The following MACROD2 variants were observed in gnomAD, a reference collection of about 807,000 sequenced individuals.
The protein encoded by MACROD2 is mono-ADP ribosylhydrolase 2, also known as ADP-ribose glycohydrolase MACROD2.
A neutral mutation model predicts 70.4 loss-of-function variants in MACROD2; 36 were observed. The observed-to-expected ratio is 0.51, with a 90% CI of 0.39 to 0.68. The LOEUF is 0.68. MACROD2 is among the 30% of genes least tolerant of loss of function. The pLI, the probability that MACROD2 is intolerant of heterozygous loss-of-function variation, is 0.00. For missense variants in MACROD2, 496 were observed against 538.4 expected (o/e 0.92, Z 0.78); for synonymous variants, 172 against 178.8 (o/e 0.96, Z 0.30).
chr20:14,686,679 A>T (rs1455442906), intron 5 of MACROD2, among the ~76,000 whole-genome samples: 3 of 152,170 alleles, frequency 2.0e-5, no homozygotes, highest in Non-Finnish European at 2.9e-5. Context: ...GGTGTGTAGT[A>T]GGCTATACCA....
chr20:15,715,622 AAAC>A, intron 8 of MACROD2, among the ~76,000 whole-genome samples: 1 of 152,272 alleles, frequency 6.6e-6, no homozygotes, highest in Non-Finnish European at 1.5e-5. Flanking sequence ...CCAGTAAATC[AAAC>A]AATAGTGCAA....
chr20:15,422,266 T>G (rs1272897982), intron 6 of MACROD2, among the ~76,000 whole-genome samples: 1 of 152,168 alleles, frequency 6.6e-6, no homozygotes, highest in African/African-American at 2.4e-5. Context: ...GGAAGGATTC[T>G]CACTCTACTC....
intron 7 of MACROD2, among the ~76,000 whole-genome samples, chr20:15,477,137 G>C (rs914808860): frequency 1.7e-5 from 2 of 115,718 alleles, no homozygotes; most frequent in Non-Finnish European, 3.3e-5. Flanking sequence ...GCCTCACTCT[G>C]TCACCCGTGC....
chr20:14,897,053 G>A (rs181380111), intron 5 of MACROD2, among the ~76,000 whole-genome samples: 114 of 152,288 alleles, frequency 7.5e-4, no homozygotes, highest in African/African-American at 2.4e-3. Context: ...TGTTACAGTA[G>A]ACTAACCACA....
rs528643864 is a variant in MACROD2 at position 15,271,442 on chromosome 20, A to G, written c.540+41381A>G. On this transcript the variant is annotated intron_variant, in intron 6 of 17. Coordinates refer to ENST00000684519, the MANE Select transcript of MACROD2 (RefSeq NM_001351661.2). The stretch of plus-strand genomic sequence containing the variant: ...TTGTGGGGACACAAACATTCAGGCC[A>G]TAGCAGACAATCTCTTTCCAAAAAC... 2.0e-4 allele frequency among the ~76,000 whole-genome samples: 30 copies of G among 152,340 alleles called. No homozygotes were observed. The East Asian group carries it at 3.9e-3, about 20-fold the overall frequency.
chr20:15,711,922 C>A, intron 8 of MACROD2, among the ~76,000 whole-genome samples: 1 of 152,088 alleles, frequency 6.6e-6, no homozygotes, highest in East Asian at 1.9e-4. Flanking sequence ...CCTCTTCAGC[C>A]CCCTGGGTTT....
At chr20:14,427,354 C>T in intron 3 of MACROD2, among the ~76,000 whole-genome samples, 1 of 151,886 alleles carries the variant, frequency 6.6e-6, no homozygotes, top group Non-Finnish European at 1.5e-5. Flanking sequence ...TCTAGTTTGT[C>T]TACAGCTTCT....
At chr20:15,631,766 A>T (rs958352754) in intron 8 of MACROD2, among the ~76,000 whole-genome samples, 1 of 150,754 alleles carries the variant, frequency 6.6e-6, no homozygotes, top group African/African-American at 2.4e-5. Context: ...GGAGAGCTTT[A>T]AAAAACACTG....
At chr20:15,575,084 C>T (rs754860229) in intron 8 of MACROD2, among the ~76,000 whole-genome samples, 1 of 152,102 alleles carries the variant, frequency 6.6e-6, no homozygotes, top group Non-Finnish European at 1.5e-5. Flanking sequence ...AGAAAGGTAG[C>T]CATTCTCTCC....
At chr20:14,978,755 C>T (rs909959557) in intron 5 of MACROD2, among the ~76,000 whole-genome samples, 7 of 149,406 alleles carry the variant, frequency 4.7e-5, no homozygotes, top group African/African-American at 9.9e-5. Flanking sequence ...TAAATGAAAA[C>T]GAGAGAAAAC....
intron 5 of MACROD2, among the ~76,000 whole-genome samples, chr20:14,749,694 C>A (rs1415483640): frequency 6.6e-6 from 1 of 152,088 alleles, no homozygotes; most frequent in African/African-American, 2.4e-5. Flanking sequence ...TTATTCCTTT[C>A]TCAAATAATG....
chr20:14,655,217 T>C (rs1225861019), intron 4 of MACROD2, among the ~76,000 whole-genome samples: 2 of 152,168 alleles, frequency 1.3e-5, no homozygotes, highest in Admixed American at 6.5e-5. Flanking sequence ...TTCATCTTTG[T>C]ATTCTAAAAG....
At chr20:14,095,260 T>TA (rs941839324) in intron 3 of MACROD2, among the ~76,000 whole-genome samples, 32 of 151,358 alleles carry the variant, frequency 2.1e-4, no homozygotes, top group South Asian at 4.2e-4. Context: ...ATCACAAAAT[T>TA]AAAAAAAAAT....
At chr20:15,311,994 T>A (rs1434292582) in intron 6 of MACROD2, among the ~76,000 whole-genome samples, 1 of 152,040 alleles carries the variant, frequency 6.6e-6, no homozygotes, top group East Asian at 1.9e-4. Context: ...AAAGTAATAT[T>A]TTAGTAGCCA....
intron 4 of MACROD2, among the ~76,000 whole-genome samples, chr20:14,575,599 C>T (rs2123331402): frequency 6.6e-6 from 1 of 152,266 alleles, no homozygotes; most frequent in South Asian, 2.1e-4. Flanking sequence ...TGCATTCGAT[C>T]AATTGAATTT....
At chr20:15,920,343 T>C (rs2065384668) in intron 10 of MACROD2, among the ~76,000 whole-genome samples, 1 of 152,112 alleles carries the variant, frequency 6.6e-6, no homozygotes, top group Admixed American at 6.5e-5. Flanking sequence ...TCTCAGACCA[T>C]CAGTCAAAAT....
chr20:15,026,391 A>G (rs2122982186), intron 5 of MACROD2, among the ~76,000 whole-genome samples: 1 of 152,200 alleles, frequency 6.6e-6, no homozygotes, highest in Middle Eastern at 3.4e-3. Context: ...ATAGATTTCC[A>G]CACTAATTTA....
chr20:14,234,176 T>C (rs1186066048), intron 3 of MACROD2, among the ~76,000 whole-genome samples: 2 of 152,202 alleles, frequency 1.3e-5, no homozygotes, highest in East Asian at 3.8e-4. Context: ...CTGTACTTTA[T>C]GACCAATTTT....
At chr20:14,705,862 G>A (rs1343901030) in intron 5 of MACROD2, among the ~76,000 whole-genome samples, 13 of 152,064 alleles carry the variant, frequency 8.5e-5, no homozygotes. Context: ...CCTCCTGTGA[G>A]ATGGAGTCTA....
Sources: allele counts gnomAD v4.1 joint callset (sites outside exome capture counted in the v4.1 genomes callset), GRCh38; gene constraint gnomAD v4.1.1; transcripts MANE v1.5; gene names NCBI Gene and HGNC (gene_info 2026-07-23, HGNC 2026-07-21).